The following GMPR variants were observed in gnomAD, a reference collection of about 807,000 sequenced individuals.
GMPR encodes GMP reductase 1.
A neutral mutation model predicts 38.4 loss-of-function variants in GMPR; 31 were observed. The ratio of observed to expected loss-of-function variants is 0.81; its 90% CI spans 0.61 to 1.09. The LOEUF (loss-of-function observed/expected upper bound fraction) is 1.09, where lower values mean the gene tolerates loss of function less well. GMPR is among the 50% of genes least tolerant of loss of function. The probability of loss-of-function intolerance (pLI) is 0.00; values close to 1 mark genes in which losing one functional copy is unlikely to be tolerated. For missense variants in GMPR, 468 were observed against 453.7 expected (o/e 1.03, Z -0.29); for synonymous variants, 162 against 173.3 (o/e 0.93, Z 0.51).
intron 4 of GMPR, among the ~76,000 whole-genome samples, chr6:16,257,737 G>C (rs1261206501): frequency 6.6e-6 from 1 of 152,210 alleles, no homozygotes; most frequent in Non-Finnish European, 1.5e-5. Flanking sequence ...CATAGGTGGT[G>C]CTTTCTTGCT....
intron 7 of GMPR, among the ~76,000 whole-genome samples, chr6:16,289,021 G>GC (rs1321880494): frequency 2.0e-5 from 3 of 152,206 alleles, no homozygotes; most frequent in Non-Finnish European, 4.4e-5. Context: ...AAAGCAGGCT[G>GC]CCGGAGCCAG....
At chr6:16,253,281 G>C (rs1309474289) in intron 3 of GMPR, among the ~76,000 whole-genome samples, 1 of 152,244 alleles carries the variant, frequency 6.6e-6, no homozygotes, top group African/African-American at 2.4e-5. Context: ...TACAGGTTGA[G>C]ATTTGCATGC....
intron 2 of GMPR, among the ~76,000 whole-genome samples, chr6:16,249,212 G>A (rs1230305357): frequency 1.1e-5 from 1 of 92,682 alleles, no homozygotes; most frequent in Non-Finnish European, 2.0e-5. Context: ...CACTCTTGTT[G>A]CCCAGGCTGG....
intron 4 of GMPR, among the ~76,000 whole-genome samples, chr6:16,265,979 G>A (rs1278565967): frequency 6.6e-6 from 1 of 152,184 alleles, no homozygotes; most frequent in Non-Finnish European, 1.5e-5. Context: ...TTGTGGATGT[G>A]CAACCTTTAA....
Position 16,295,257 on chromosome 6 carries a change from C to T in GMPR, c.*71C>T. 1 of 1,173,712 alleles carries T rather than the reference C, an allele frequency of 8.5e-7. No homozygotes were observed. Among genetic ancestry groups the T allele is most frequent in the South Asian group, 1.7e-5 (1 of 58,036 alleles). The allele number at this position is 1,173,712 out of a possible 1,614,324, so 72.7% of individuals were successfully genotyped here. ...CTGCTTTTCCCATCTCCCCCCAAGT[C>T]TGTTCCGTCAGAGCTTCTGGCTGCT... is the stretch of plus-strand genomic sequence containing the variant. On this transcript the variant is annotated 3_prime_UTR_variant, in exon 9 of 9. Transcript: ENST00000259727.
At chr6:16,263,256 C>G (rs575615471) in intron 4 of GMPR, 1 of 151,676 alleles carries the variant, frequency 6.6e-6, no homozygotes, top group Non-Finnish European at 1.5e-5. Flanking sequence ...GCCCATTGTA[C>G]GACAAGAATT....
chr6:16,280,777 A>G (rs1489547342), intron 6 of GMPR, among the ~76,000 whole-genome samples: 1 of 152,198 alleles, frequency 6.6e-6, no homozygotes, highest in Non-Finnish European at 1.5e-5. Flanking sequence ...CCCATATGTA[A>G]TTAGTCCTGT....
chr6:16,289,354 C>T (rs1759778526), intron 7 of GMPR, among the ~76,000 whole-genome samples: 1 of 152,148 alleles, frequency 6.6e-6, no homozygotes, highest in African/African-American at 2.4e-5. Context: ...ATGAAGAATC[C>T]CACTGCACAG....
intron 7 of GMPR, among the ~76,000 whole-genome samples, chr6:16,287,922 T>C (rs1759719897): frequency 6.6e-6 from 1 of 152,244 alleles, no homozygotes; most frequent in African/African-American, 2.4e-5. Context: ...ATTGAAGGCA[T>C]CAGGGCCACT....
chr6:16,246,610 A>G (rs572893083), intron 1 of GMPR, among the ~76,000 whole-genome samples: 14 of 152,250 alleles, frequency 9.2e-5, no homozygotes, highest in African/African-American at 3.4e-4. Flanking sequence ...AGAAGGAGGC[A>G]GTGGGGTTGG....
intron 4 of GMPR, among the ~76,000 whole-genome samples, chr6:16,270,607 G>T (rs2113690882): frequency 6.6e-6 from 1 of 152,202 alleles, no homozygotes; most frequent in East Asian, 1.9e-4. Flanking sequence ...TTTCTGATTT[G>T]GTCTTTTCCT....
chr6:16,241,739 A>C (rs1242500597), intron 1 of GMPR, among the ~76,000 whole-genome samples: 1 of 152,100 alleles, frequency 6.6e-6, no homozygotes, highest in Non-Finnish European at 1.5e-5. Context: ...GTAAGAATGT[A>C]CTTATTTATT....
At chr6:16,262,390 C>T (rs1759105088) in intron 4 of GMPR, 2 of 152,128 alleles carry the variant, frequency 1.3e-5, no homozygotes, top group African/African-American at 4.8e-5. Context: ...AGATGGGACT[C>T]AGCTTAGGAG....
At chr6:16,264,072 C>T (rs1342110116) in intron 4 of GMPR, among the ~76,000 whole-genome samples, 2 of 151,920 alleles carry the variant, frequency 1.3e-5, no homozygotes, top group Non-Finnish European at 2.9e-5. Context: ...GGCATCCCTG[C>T]GTGGTCTGAC....
chr6:16,277,637 C>T lies in GMPR; in HGVS notation c.548-1147C>T, dbSNP rs538749436. On this transcript the variant is annotated intron_variant, in intron 5 of 8. Coordinates refer to ENST00000259727, the MANE Select transcript of GMPR (RefSeq NM_006877.4). ...TGTTCTCAGCACCTGATAACAACAG[C>T]GAATGTCCACGGAGCCGACCACCCA... 5.3e-5 allele frequency among the ~76,000 whole-genome samples: 8 copies of T among 152,336 alleles called. No individual in the cohort carries two copies. The South Asian group carries it at 1.2e-3, about 24-fold the overall frequency.
At chr6:16,280,424 A>G (rs956895135) in intron 6 of GMPR, among the ~76,000 whole-genome samples, 3 of 152,232 alleles carry the variant, frequency 2.0e-5, no homozygotes, top group African/African-American at 7.2e-5. Flanking sequence ...CTGTGATAGT[A>G]TCTGAAATAA....
intron 1 of GMPR, among the ~76,000 whole-genome samples, chr6:16,241,114 A>G (rs1459612071): frequency 1.3e-5 from 2 of 152,168 alleles, no homozygotes; most frequent in South Asian, 2.1e-4. Context: ...AAATATGTGC[A>G]TCCTGGCAGA....
chr6:16,247,021 G>C lies in GMPR; in HGVS notation c.207+60G>C, dbSNP rs1187163839. 5.9e-6 allele frequency: 9 copies of C among 1,532,482 alleles called. No homozygotes were observed. In the Admixed American group the frequency reaches 1.7e-4, roughly 29 times the overall value. 94.9% of individuals were successfully genotyped at this position (1,532,482 alleles called of 1,614,324 possible). A position where few individuals can be genotyped will look rare whatever the true frequency, so the allele number is the denominator to read the frequency against. ...GCTCACACTGTGGACAGGTTATCAG[G>C]AGCCGACCCTGGCTTTATTCAGACA... On this transcript the variant is annotated intron_variant, in intron 2 of 8. Transcript: ENST00000259727.
chr6:16,246,962 G>A lies in GMPR; in HGVS notation c.207+1G>A, dbSNP rs1561819022. The stretch of plus-strand genomic sequence containing the variant: ...TGAGATGGCAGCCGTGATGTCACAG[G>A]TGAGGCGGTAGGCTTTTGTTTTTTC... On this transcript the variant is annotated splice_donor_variant, in intron 2 of 8. Coordinates refer to ENST00000259727, the MANE Select transcript of GMPR (RefSeq NM_006877.4). LOFTEE classifies it high-confidence loss of function. 2 of 1,613,532 alleles carry A rather than the reference G, an allele frequency of 1.2e-6. No individual in the cohort carries two copies. The highest frequency in any genetic ancestry group is 1.7e-5 in the Admixed American group (1 of 59,880).
Sources: allele counts gnomAD v4.1 joint callset (sites outside exome capture counted in the v4.1 genomes callset), GRCh38; gene constraint gnomAD v4.1.1; transcripts MANE v1.5; gene names NCBI Gene and HGNC (gene_info 2026-07-23, HGNC 2026-07-21).